The following ARRB2 variants were observed in gnomAD, a reference collection of about 807,000 sequenced individuals.
The protein encoded by ARRB2 is arrestin beta 2.
ARRB2 carries 21 observed loss-of-function variants against 53.4 expected under a neutral mutation model. The observed-to-expected ratio is 0.39, with a 90% confidence interval of 0.28 to 0.57. The LOEUF (loss-of-function observed/expected upper bound fraction) is 0.57. ARRB2 is among the 20% of genes least tolerant of loss of function. The pLI is 0.55. For synonymous variants in ARRB2, 180 were observed against 212.9 expected (o/e 0.85, Z 1.34); for missense variants, 369 against 527.5 (o/e 0.70, Z 2.94).
chr17:4,715,745 G>T, intron 2 of ARRB2: 1 of 525,810 alleles, frequency 1.9e-6, no homozygotes. Context: ...ACACCGGGCT[G>T]GTGGGCAGAG....
In ARRB2 at chr17:4,718,359, T is replaced by C. The variant is rs1915292180; in HGVS notation, c.706+14T>C. ...TCAAAGTCTCTGGTAGGAGGTGGGG[T>C]TTGGAAGGGGGTCTTCGGGGAGGGC... is the stretch of plus-strand genomic sequence containing the variant. On this transcript the variant is annotated intron_variant, in intron 9 of 14. Coordinates refer to ENST00000269260, the MANE Select transcript of ARRB2 (RefSeq NM_004313.4). 6.2e-7 allele frequency: 1 copy of C among 1,604,888 alleles called. No individual in the cohort carries two copies. The highest frequency in any genetic ancestry group is 1.3e-5 in the African/African-American group (1 of 74,560).
Position 4,717,129 on chromosome 17 carries a change from C to A in ARRB2, c.358-88C>A. ...GATTACAGGCATGAGCCACCACACCCAGCGTCTCCAGCCTCTTAGGTTGAG... is the reference window on the plus strand; with the variant it reads ...GATTACAGGCATGAGCCACCACACCAAGCGTCTCCAGCCTCTTAGGTTGAG... On this transcript the variant is annotated intron_variant, in intron 5 of 14. Transcript: ENST00000269260. This position sits in a 1 kb window ranked among gnomAD's most constrained non-coding sequence, Gnocchi z 6.0. The A allele has an allele frequency of 7.0e-7, 1 of 1,432,260 alleles. No individual in the cohort carries two copies. The highest frequency in any genetic ancestry group is 9.8e-7 in the Non-Finnish European group (1 of 1,016,260). The allele number at this position is 1,432,260 out of a possible 1,614,324, so 88.7% of individuals were successfully genotyped here.
At chr17:4,718,063 T>C in intron 8 of ARRB2, 40 bp downstream of exon 8, 1 of 1,610,442 alleles carries the variant, frequency 6.2e-7, no homozygotes. Flanking sequence ...ACGGTGCAGT[T>C]TAGACCCTGG....
At chr17:4,714,213 C>T (rs989161711) in intron 1 of ARRB2, among the ~76,000 whole-genome samples, 2 of 152,170 alleles carry the variant, frequency 1.3e-5, no homozygotes, top group African/African-American at 4.8e-5. Flanking sequence ...AAACAAGGAG[C>T]GACCAGGGTC....
At position 4,720,265 on chromosome 17, in the gene ARRB2, A is replaced by G; in HGVS notation, c.967A>G (p.Arg323Gly). 3.1e-6 allele frequency: 5 copies of G among 1,613,920 alleles called. No homozygotes were observed. The highest frequency in any genetic ancestry group is 4.2e-6 in the Non-Finnish European group (5 of 1,179,954). ...GGTGCTGGGAATCCTGGTGTCCTAC[A>G]GGGTCAAGGTGAAGCTGGTGGTGTC... is the stretch of plus-strand genomic sequence containing the variant. ...KEVLGILVSYRVKVKLVVSRG... is the reference protein window; with the variant it reads ...KEVLGILVSYGVKVKLVVSRG... Residue 323 changes from arginine (R) to glycine (G), a missense_variant, in exon 12 of 15, where the codon AGG (arginine) becomes GGG (glycine). Transcript: ENST00000269260.
chr17:4,717,559 C>A lies in ARRB2; in HGVS notation c.418-126C>A. The A allele has an allele frequency of 7.8e-7, 1 of 1,287,022 alleles. No homozygotes were observed. Among genetic ancestry groups the A allele is most frequent in the Non-Finnish European group, 1.1e-6 (1 of 901,070 alleles). 79.7% of individuals were successfully genotyped at this position (1,287,022 alleles called of 1,614,324 possible). A position where few individuals can be genotyped will look rare whatever the true frequency, so the allele number is the denominator to read the frequency against. On this transcript the variant is annotated intron_variant, in intron 6 of 14. Transcript: ENST00000269260. This position sits in a 1 kb window ranked among gnomAD's most constrained non-coding sequence, Gnocchi z 6.0. ...GCTTTGGAGAGGAAGAAGACTTAGT[C>A]CCCAGGGTCGTGAGACCACAATGAG...
chr17:4,718,493 C>T (rs1915311562), intron 9 of ARRB2, 119 bp from the exon 10 acceptor site: 2 of 1,223,496 alleles, frequency 1.6e-6, no homozygotes, highest in African/African-American at 3.0e-5. Flanking sequence ...ATACGGGGAG[C>T]CTCGGTGTTT....
rs943030184 is a variant in ARRB2, at chr17:4,716,308, G to A, written c.161-104G>A. On this transcript the variant is annotated intron_variant, in intron 4 of 14. Transcript: ENST00000269260. ...GCTGGAGGTGGAAGCCAGGAGTAGGGTTCAGGCAAGTCTTATGCTGCTGAG... is the reference window on the plus strand; with the variant it reads ...GCTGGAGGTGGAAGCCAGGAGTAGGATTCAGGCAAGTCTTATGCTGCTGAG... The A allele has an allele frequency of 8.7e-6, 14 of 1,608,806 alleles. No homozygotes were observed. The African/African-American group carries it at 1.9e-4, about 22-fold the overall frequency.
intron 1 of ARRB2, among the ~76,000 whole-genome samples, chr17:4,714,330 G>A (rs560066394): frequency 9.2e-5 from 14 of 152,218 alleles, no homozygotes; most frequent in African/African-American, 2.6e-4. Flanking sequence ...TCGAACTTGG[G>A]TAGGGCCTGT....
In ARRB2 at chr17:4,716,763, C is replaced by T. The variant is rs1915107352; in HGVS notation, c.357+155C>T. On this transcript the variant is annotated intron_variant, in intron 5 of 14. Coordinates refer to ENST00000269260, the MANE Select transcript of ARRB2 (RefSeq NM_004313.4). ...CAGGGTCCCAGTGCATTCAGGAAGC[C>T]CTTGATTATCTGCCTCCTCTCTGGG... 3 of 1,364,744 alleles carry T rather than the reference C, an allele frequency of 2.2e-6. No individual in the cohort carries two copies. The African/African-American group carries it at 4.4e-5, about 20-fold the overall frequency. The allele number at this position is 1,364,744 out of a possible 1,614,324, so 84.5% of individuals were successfully genotyped here. A position where few individuals can be genotyped will look rare whatever the true frequency, so the allele number is the denominator to read the frequency against.
rs765694454 is a variant in ARRB2, at chr17:4,717,904, G to A, written c.502G>A (p.Val168Met). Residue 168 changes from valine (V) to methionine (M), a missense_variant, in exon 8 of 15, where the codon GTG becomes ATG. Transcript: ENST00000269260. The surrounding 1 kb of genome is among the most constrained non-coding windows in gnomAD (Gnocchi z 6.0). Reference protein sequence around the residue: ...KSHKRNSVRLVIRKVQFAPEK... With the variant: ...KSHKRNSVRLMIRKVQFAPEK... ...TGATCCCAGGAACTCTGTGCGGCTG[G>A]TGATCCGAAAGGTGCAGTTCGCCCC... 1 of 1,614,028 alleles carries A rather than the reference G, an allele frequency of 6.2e-7. No individual in the cohort carries two copies. The highest frequency in any genetic ancestry group is 8.5e-7 in the Non-Finnish European group (1 of 1,180,020).
chr17:4,714,973 T>C, intron 1 of ARRB2, 40 bp from the exon 2 acceptor site: 2 of 1,579,418 alleles, frequency 1.3e-6, no homozygotes, highest in Non-Finnish European at 1.7e-6. Flanking sequence ...CCCTGCTGAG[T>C]CTGAGGGAGG....
intron 8 of ARRB2, 35 bp from the exon 9 acceptor site, chr17:4,718,226 C>A: frequency 6.3e-7 from 1 of 1,589,684 alleles, no homozygotes; most frequent in Middle Eastern, 1.7e-4. Context: ...CAGTGAAAAC[C>A]AGTTCCAATT....
At chr17:4,713,256 A>T (rs1914612334) in intron 1 of ARRB2, among the ~76,000 whole-genome samples, 1 of 152,152 alleles carries the variant, frequency 6.6e-6, no homozygotes, top group South Asian at 2.1e-4. Flanking sequence ...GCCTTCTGGG[A>T]GGCTGAGGCG....
Position 4,717,527 on chromosome 17 carries a change from G to T in ARRB2, c.418-158G>T. ...ACTACCATGACCAAGCCTCTGCCAG[G>T]TTCTGGGCTTTGGAGAGGAAGAAGA... On this transcript the variant is annotated intron_variant, in intron 6 of 14. Transcript: ENST00000269260. This position sits in a 1 kb window ranked among gnomAD's most constrained non-coding sequence, Gnocchi z 6.0. 9.5e-7 allele frequency: 1 copy of T among 1,056,446 alleles called. No homozygotes were observed. The highest frequency in any genetic ancestry group is 1.4e-5 in the South Asian group (1 of 69,990). 65.4% of individuals were successfully genotyped at this position (1,056,446 alleles called of 1,614,324 possible). A position where few individuals can be genotyped will look rare whatever the true frequency, so the allele number is the denominator to read the frequency against.
intron 14 of ARRB2, 136 bp downstream of exon 14, chr17:4,720,776 T>G: frequency 3.8e-6 from 4 of 1,060,166 alleles, no homozygotes; most frequent in Non-Finnish European, 4.1e-6. Context: ...CTTAGCCTTG[T>G]GAGGCTGCCT....
intron 1 of ARRB2, among the ~76,000 whole-genome samples, chr17:4,714,062 C>T (rs1914700458): frequency 6.7e-6 from 1 of 149,540 alleles, no homozygotes; most frequent in East Asian, 2.0e-4. Context: ...TTACCATCTT[C>T]ATGATATGGC....
chr17:4,716,727 C>A, intron 5 of ARRB2, 119 bp downstream of exon 5: 1 of 1,450,446 alleles, frequency 6.9e-7, no homozygotes, highest in South Asian at 1.4e-5. Context: ...GACCCTAGAT[C>A]CACTTCCCTT....
Position 4,716,529 on chromosome 17 carries a change from A to ACCCCCCCCCGCCCCCC in ARRB2, c.281_282insCCCCCCGCCCCCCCCC (p.Arg96ProfsTer56). 3 of 1,520,820 alleles carry ACCCCCCCCCGCCCCCC rather than the reference A, an allele frequency of 2.0e-6. No individual in the cohort carries two copies. Among genetic ancestry groups the ACCCCCCCCCGCCCCCC allele is most frequent in the South Asian group, 1.1e-5 (1 of 89,272 alleles). 94.2% of individuals were successfully genotyped at this position (1,520,820 alleles called of 1,614,324 possible). ...TACCAGGCCTTCCCCCCGGTGCCCA[A>ACCCCCCCCCGCCCCCC]CCCACCCCGGCCCCCCACCCGCCTG... On this transcript the variant is annotated frameshift_variant, in exon 5 of 15. Transcript: ENST00000269260. LOFTEE classifies it high-confidence loss of function.
Sources: gnomAD v4.1 joint callset for allele counts (sites outside exome capture counted in the v4.1 genomes callset) on GRCh38, gnomAD v4.1.1 for gene constraint, Gnocchi (gnomAD v3.1) non-coding constraint, MANE v1.5 for transcripts, NCBI Gene and HGNC (gene_info 2026-07-23, HGNC 2026-07-21) for gene names.